Variants in PRKCZ observed in about 807,000 individuals in gnomAD.
The protein encoded by PRKCZ is protein kinase C zeta, also known as protein kinase C zeta type.
A neutral mutation model predicts 79.5 loss-of-function variants in PRKCZ; 33 were observed. That is an observed-to-expected ratio of 0.41 (90% CI 0.31 to 0.55). The LOEUF (loss-of-function observed/expected upper bound fraction) is 0.55, where lower values mean the gene tolerates loss of function less well. PRKCZ is among the 20% of genes least tolerant of loss of function. The pLI is 0.19. For missense variants in PRKCZ, 578 were observed against 813.5 expected (o/e 0.71, Z 3.52); for synonymous variants, 342 against 320.9 (o/e 1.07, Z -0.70).
intron 5 of PRKCZ, chr1:2,141,760 G>T (rs934855664): frequency 5.5e-6 from 1 of 181,590 alleles, no homozygotes; most frequent in Non-Finnish European, 1.2e-5. Context: ...AACACATTAG[G>T]CACATTATAC....
intron 3 of PRKCZ, among the ~76,000 whole-genome samples, chr1:2,058,753 G>T (rs535085186): frequency 2.3e-4 from 35 of 151,306 alleles, no homozygotes; most frequent in African/African-American, 8.3e-4. Flanking sequence ...AAAATTAGCC[G>T]GGCGTGGTGG....
intron 9 of PRKCZ, among the ~76,000 whole-genome samples, chr1:2,154,562 G>A (rs543755138): frequency 5.3e-5 from 8 of 152,224 alleles, no homozygotes; most frequent in Non-Finnish European, 1.0e-4. Flanking sequence ...ATTGCCAAGT[G>A]TGGCATGTAT....
In PRKCZ at chr1:2,165,623, C is replaced by T. The variant is rs954651236; in HGVS notation, c.975-3895C>T. Among the ~76,000 whole-genome samples, 2 of 152,210 alleles carry T rather than the reference C, an allele frequency of 1.3e-5. No homozygotes were observed. Among genetic ancestry groups the T allele is most frequent in the African/African-American group, 2.4e-5 (1 of 41,442 alleles). On this transcript the variant is annotated intron_variant, in intron 10 of 17. Coordinates refer to ENST00000378567, the MANE Select transcript of PRKCZ (RefSeq NM_002744.6). The surrounding 1 kb of genome is among the most constrained non-coding windows in gnomAD (Gnocchi z 4.1). ...CCATGCGGCCTCTGTGGCAACTATGCGTTCTAAAACAGAAGCAGCCTTAGA... is the reference window on the plus strand; with the variant it reads ...CCATGCGGCCTCTGTGGCAACTATGTGTTCTAAAACAGAAGCAGCCTTAGA...
chr1:2,059,711 G>A, intron 4 of PRKCZ, 120 bp downstream of exon 4: 1 of 1,344,424 alleles, frequency 7.4e-7, no homozygotes, highest in Non-Finnish European at 1.0e-6. Context: ...GAGCGTCAGG[G>A]CAGGAGCAGC....
chr1:2,066,427 C>T (rs1661129657), intron 4 of PRKCZ, among the ~76,000 whole-genome samples: 1 of 152,230 alleles, frequency 6.6e-6, no homozygotes, highest in South Asian at 2.1e-4. Context: ...ATGTCAACCT[C>T]TGCCTCCTGG....
intron 4 of PRKCZ, among the ~76,000 whole-genome samples, chr1:2,132,959 G>A (rs1260512687): frequency 1.3e-5 from 2 of 152,202 alleles, no homozygotes; most frequent in Non-Finnish European, 2.9e-5. Flanking sequence ...TTGGGGGTTA[G>A]GGCTCCCCAC....
intron 5 of PRKCZ, chr1:2,141,939 A>C (rs932327639): frequency 3.5e-6 from 1 of 281,848 alleles, no homozygotes; most frequent in South Asian, 2.9e-5. Context: ...CAGGGTCCAC[A>C]CATCCAGCAG....
chr1:2,172,029 C>T lies in PRKCZ; in HGVS notation c.1062-26C>T, dbSNP rs201815205. 2.3e-5 allele frequency: 37 copies of T among 1,579,664 alleles called. No individual in the cohort carries two copies. Among genetic ancestry groups the T allele is most frequent in the Non-Finnish European group, 3.2e-5 (37 of 1,162,798 alleles). ...GCGCAGCCTCTGGCACAGGCACTGC[C>T]CCCATGACGGCATCCCCACCCCCAG... On this transcript the variant is annotated intron_variant, in intron 11 of 17. Coordinates refer to ENST00000378567, the MANE Select transcript of PRKCZ (RefSeq NM_002744.6). This position sits in a 1 kb window ranked among gnomAD's most constrained non-coding sequence, Gnocchi z 7.8.
chr1:2,056,384 C>T (rs1278990240), intron 2 of PRKCZ, 100 bp from the exon 3 acceptor site: 14 of 1,090,290 alleles, frequency 1.3e-5, no homozygotes, highest in Non-Finnish European at 1.7e-5. Context: ...CGGGACTTTG[C>T]CCCCCACCAG....
chr1:2,176,012 C>G (rs778685195), intron 16 of PRKCZ, among the ~76,000 whole-genome samples: 3 of 152,130 alleles, frequency 2.0e-5, no homozygotes, highest in Non-Finnish European at 4.4e-5. Flanking sequence ...GCAGTCGCAG[C>G]GTTCACGGCT....
chr1:2,155,887 T>C, intron 9 of PRKCZ, 108 bp from the exon 10 acceptor site: 2 of 944,258 alleles, frequency 2.1e-6, no homozygotes, highest in Non-Finnish European at 1.7e-6. Flanking sequence ...GTCTGCATTG[T>C]CTTCCTGAAA....
chr1:2,048,984 G>A (rs1659444523), upstream of PRKCZ, among the ~76,000 whole-genome samples: 1 of 152,108 alleles, frequency 6.6e-6, no homozygotes, highest in Admixed American at 6.6e-5. Context: ...TGGCCAATAT[G>A]GAAAAACCCC....
At chr1:2,087,821 G>A (rs772908617) in intron 4 of PRKCZ, among the ~76,000 whole-genome samples, 1 of 152,152 alleles carries the variant, frequency 6.6e-6, no homozygotes, top group Non-Finnish European at 1.5e-5. Flanking sequence ...AGGAGTCCCC[G>A]GAGGCCCCTG....
chr1:2,113,917 T>G, intron 4 of PRKCZ, among the ~76,000 whole-genome samples: 1 of 150,504 alleles, frequency 6.6e-6, no homozygotes, highest in African/African-American at 2.5e-5. Context: ...GGTGTGGGAG[T>G]GTAGAGAGGG....
chr1:2,133,298 C>T (rs1347021513), intron 4 of PRKCZ, among the ~76,000 whole-genome samples: 2 of 149,990 alleles, frequency 1.3e-5, no homozygotes, highest in African/African-American at 4.9e-5. Context: ...CGCCCTGCGG[C>T]TCCGCCCGCA....
chr1:2,148,046 C>CTAT (rs1679027879), intron 7 of PRKCZ, among the ~76,000 whole-genome samples: 2 of 135,810 alleles, frequency 1.5e-5, no homozygotes, highest in East Asian at 2.4e-4. Context: ...TATCCATCCA[C>CTAT]TGTCCACTGA....
At chr1:2,137,512 C>A (rs1488221057) in intron 5 of PRKCZ, among the ~76,000 whole-genome samples, 2 of 152,242 alleles carry the variant, frequency 1.3e-5, no homozygotes, top group African/African-American at 2.4e-5. Context: ...CCCCCGCAGC[C>A]ACTGGTAGCT....
intron 4 of PRKCZ, among the ~76,000 whole-genome samples, chr1:2,120,877 G>A (rs1671755587): frequency 7.3e-6 from 1 of 137,148 alleles, no homozygotes; most frequent in South Asian, 2.2e-4. Context: ...GCAATGGCAC[G>A]CTCTCGGCTC....
At chr1:2,088,613 C>T (rs1377585230) in intron 4 of PRKCZ, among the ~76,000 whole-genome samples, 4 of 152,318 alleles carry the variant, frequency 2.6e-5, no homozygotes, top group East Asian at 3.9e-4. Flanking sequence ...AGAGTCTTCC[C>T]GTAGACACCA....
Sources: allele counts gnomAD v4.1 joint callset (sites outside exome capture counted in the v4.1 genomes callset), GRCh38; gene constraint gnomAD v4.1.1; non-coding constraint Gnocchi (gnomAD v3.1); transcripts MANE v1.5; gene names NCBI Gene and HGNC (gene_info 2026-07-23, HGNC 2026-07-21).